Variants in MED1 observed in about 807,000 individuals in gnomAD.
MED1 encodes the protein mediator complex subunit 1.
In MED1, 17 loss-of-function variants were observed where a neutral mutation model predicts 121.3. The ratio of observed to expected loss-of-function variants is 0.14; its 90% CI spans 0.10 to 0.21. The LOEUF (loss-of-function observed/expected upper bound fraction) is 0.21, where lower values mean the gene tolerates loss of function less well. Ranked by LOEUF, MED1 falls within the 10% of genes least tolerant of loss-of-function variation. The pLI is 1.00. For missense variants in MED1, 1,558 were observed against 1,919.4 expected (o/e 0.81, Z 3.52); for synonymous variants, 661 against 694.4 (o/e 0.95, Z 0.76).
In MED1 at chr17:39,419,620, T is replaced by A. The variant is rs2048442639; in HGVS notation, c.1297+97A>T. ...AATATGAAAAAAAAAAAACTTTTTT[T>A]AAGTTCTACAGGTGATTCTGATGGG... On this transcript the variant is annotated intron_variant, in intron 14 of 16. Transcript: ENST00000300651. 4.6e-6 allele frequency: 6 copies of A among 1,300,192 alleles called. No homozygotes were observed. The East Asian group carries it at 1.4e-4, about 30-fold the overall frequency. 80.5% of individuals were successfully genotyped at this position (1,300,192 alleles called of 1,614,324 possible). A position where few individuals can be genotyped will look rare whatever the true frequency, so the allele number is the denominator to read the frequency against.
At chr17:39,410,978 T>A (rs1436428356) in intron 16 of MED1, among the ~76,000 whole-genome samples, 2 of 152,188 alleles carry the variant, frequency 1.3e-5, no homozygotes, top group Non-Finnish European at 2.9e-5. Context: ...TAATTGAATT[T>A]CAAACTTAAC....
intron 9 of MED1, among the ~76,000 whole-genome samples, chr17:39,430,804 G>T (rs2048558759): frequency 6.6e-6 from 1 of 152,070 alleles, no homozygotes; most frequent in Admixed American, 6.6e-5. Context: ...GATCAGTCGA[G>T]GCGAGGAGTT....
rs893348263 is a variant in MED1, at chr17:39,437,121, G to A, written c.428+2044C>T. On this transcript the variant is annotated intron_variant, in intron 6 of 16. Coordinates refer to ENST00000300651, the MANE Select transcript of MED1 (RefSeq NM_004774.4). ...CTAATTTTGTATTTTTAGTAGAGAC[G>A]GGGTTTCTCCGTGTTGGTCAGGCTG... is the stretch of plus-strand genomic sequence containing the variant. 1.3e-3 allele frequency among the ~76,000 whole-genome samples: 194 copies of A among 152,174 alleles called. 1 individual carries two copies. The highest frequency in any genetic ancestry group is 4.4e-3 in the African/African-American group (182 of 41,532).
In MED1 at chr17:39,447,686, A is replaced by G. The variant is rs1597877331; in HGVS notation, c.132+112T>C. 5.8e-6 allele frequency: 4 copies of G among 688,212 alleles called. No individual in the cohort carries two copies. The Admixed American group carries it at 8.3e-5, about 14-fold the overall frequency. The allele number at this position is 688,212 out of a possible 1,614,324, so 42.6% of individuals were successfully genotyped here. ...ATAGACTCCTAAAGTTGAAACCACC[A>G]TGTATTCAGATGTTTTATGAAGATA... On this transcript the variant is annotated intron_variant, in intron 2 of 16. Transcript: ENST00000300651.
chr17:39,407,562 A>C lies in MED1; in HGVS notation c.4659T>G (p.Ser1553=). 1 of 1,614,086 alleles carries C rather than the reference A, an allele frequency of 6.2e-7. No homozygotes were observed. ...SLSMTSNTIL[S]ADRPSRLSPD... is the part of the protein sequence containing the mutation. The stretch of plus-strand genomic sequence containing the variant: ...GGCTGAGCCTTGAGGGTCTGTCTGC[A>C]GATAAGATTGTGTTACTTGTCATAG... Residue 1553 remains serine, a synonymous_variant, in exon 17 of 17, where the codon TCT becomes TCG. Transcript: ENST00000300651.
chr17:39,429,824 T>C (rs1301243187), intron 9 of MED1, among the ~76,000 whole-genome samples: 3 of 151,904 alleles, frequency 2.0e-5, no homozygotes, highest in Admixed American at 6.6e-5. Context: ...CAGTGGCTTA[T>C]GCTTATAATC....
At chr17:39,448,307 T>G (rs1019691595) in intron 1 of MED1, among the ~76,000 whole-genome samples, 14 of 147,432 alleles carry the variant, frequency 9.5e-5, no homozygotes, top group East Asian at 2.0e-4. Context: ...GAGGCAGAGG[T>G]TGCAGTGAGC....
At chr17:39,436,071 C>T (rs763494061) in intron 6 of MED1, among the ~76,000 whole-genome samples, 2 of 151,364 alleles carry the variant, frequency 1.3e-5, no homozygotes, top group South Asian at 2.1e-4. Flanking sequence ...CACACCATCT[C>T]GAAAAAAAAG....
chr17:39,426,816 GA>G, intron 10 of MED1, among the ~76,000 whole-genome samples: 1 of 152,260 alleles, frequency 6.6e-6, no homozygotes, highest in East Asian at 1.9e-4. Context: ...TTACAGGCAT[GA>G]GCCACCGCGC....
intron 9 of MED1, among the ~76,000 whole-genome samples, chr17:39,430,897 TA>T (rs1245858028): frequency 6.6e-6 from 1 of 151,756 alleles, no homozygotes; most frequent in Non-Finnish European, 1.5e-5. Flanking sequence ...TGCACACCTG[TA>T]ATCCCAGCTA....
At chr17:39,447,394 T>TA (rs11416466) in intron 2 of MED1, among the ~76,000 whole-genome samples, 100,990 of 143,320 alleles carry the variant, frequency 0.7, 36,576 homozygotes, top group South Asian at 0.89. Context: ...TCCGTCTCAA[T>TA]AAAAAAAAAA....
At chr17:39,421,238 C>CAAAAAAAAAAAAA (rs760121026) in intron 13 of MED1, among the ~76,000 whole-genome samples, 1 of 64,918 alleles carries the variant, frequency 1.5e-5, no homozygotes. Context: ...GCACCAAGAG[C>CAAAAAAAAAAAAA]AAAAAAAAAA....
intron 5 of MED1, among the ~76,000 whole-genome samples, chr17:39,439,981 AGAAAGAAGGAAG>A (rs1392023173): frequency 1.1e-4 from 13 of 119,638 alleles, no homozygotes; most frequent in Admixed American, 7.1e-4. Flanking sequence ...AAAGAAAGAA[AGAAAGAAGGAAG>A]GAAGGAAGGA....
intron 8 of MED1, 58 bp from the exon 9 acceptor site, chr17:39,431,246 A>G: frequency 7.3e-7 from 1 of 1,370,016 alleles, no homozygotes. Flanking sequence ...CTTGGTACAC[A>G]CTGTGATATT....
Position 39,444,458 on chromosome 17 carries a change from G to A in MED1, c.133-830C>T, listed in dbSNP as rs1001513045. ...GGAGGCGGAGGTTGCAGTGAGCCGA[G>A]ATCACACCACTGCACTCCAGCCTGG... On this transcript the variant is annotated intron_variant, in intron 2 of 16. Coordinates refer to ENST00000300651, the MANE Select transcript of MED1 (RefSeq NM_004774.4). Among the ~76,000 whole-genome samples, 6 of 149,548 alleles carry A rather than the reference G, an allele frequency of 4.0e-5. No homozygotes were observed. In the Admixed American group the frequency reaches 4.0e-4, roughly 10 times the overall value.
chr17:39,407,146 T>C lies in MED1; in HGVS notation c.*329A>G. ...AAAAATGGAAAAAGGGAGAAGAAAA[T>C]ATATATGAATATTTCCCACAAAACT... On this transcript the variant is annotated 3_prime_UTR_variant, in exon 17 of 17. Transcript: ENST00000300651. 9.9e-7 allele frequency: 1 copy of C among 1,010,678 alleles called. No individual in the cohort carries two copies. Among genetic ancestry groups the C allele is most frequent in the Non-Finnish European group, 1.2e-6 (1 of 846,820 alleles). 62.6% of individuals were successfully genotyped at this position (1,010,678 alleles called of 1,614,324 possible). A position where few individuals can be genotyped will look rare whatever the true frequency, so the allele number is the denominator to read the frequency against.
chr17:39,446,060 G>A (rs1337103640), intron 2 of MED1, among the ~76,000 whole-genome samples: 1 of 150,966 alleles, frequency 6.6e-6, no homozygotes, highest in African/African-American at 2.4e-5. Flanking sequence ...AATCCGCCAG[G>A]CACGGTGGCT....
intron 8 of MED1, among the ~76,000 whole-genome samples, chr17:39,431,546 T>C (rs551574045): frequency 1.2e-4 from 19 of 152,220 alleles, no homozygotes; most frequent in Non-Finnish European, 2.6e-4. Context: ...CCCAAAGTGC[T>C]GGGATTACAG....
At chr17:39,450,887 G>C (rs2048775857) in intron 1 of MED1, 151 bp downstream of exon 1, 1 of 600,856 alleles carries the variant, frequency 1.7e-6, no homozygotes, top group Admixed American at 3.0e-5. Flanking sequence ...CACCAAGGAG[G>C]GTATAGTGAC....
Sources: allele counts gnomAD v4.1 joint callset (sites outside exome capture counted in the v4.1 genomes callset), GRCh38; gene constraint gnomAD v4.1.1; transcripts MANE v1.5; gene names NCBI Gene and HGNC (gene_info 2026-07-23, HGNC 2026-07-21).